The following LRRTM4 variants were observed in gnomAD, a reference collection of about 807,000 sequenced individuals.
The protein encoded by LRRTM4 is leucine rich repeat transmembrane neuronal 4.
Under a neutral mutation model 47.6 loss-of-function variants are expected in LRRTM4, and 25 were observed. The ratio of observed to expected loss-of-function variants is 0.53; its 90% CI spans 0.38 to 0.73. LRRTM4 has a LOEUF of 0.73. Ranked by LOEUF, LRRTM4 falls within the 30% of genes least tolerant of loss-of-function variation. The pLI is 0.00. For synonymous variants in LRRTM4, 311 were observed against 269.5 expected, an observed-to-expected ratio of 1.15 and a Z score of -1.51; for missense variants, 638 against 713.4, an observed-to-expected ratio of 0.89 and a Z score of 1.20.
At chr2:77,195,334 G>A (rs994485711) in intron 3 of LRRTM4, among the ~76,000 whole-genome samples, 2 of 151,816 alleles carry the variant, frequency 1.3e-5, no homozygotes, top group Non-Finnish European at 2.9e-5. Flanking sequence ...CTTTGGCACT[G>A]TTTCATAGAA....
At chr2:76,762,989 G>T (rs1386600134) in intron 3 of LRRTM4, among the ~76,000 whole-genome samples, 2 of 152,138 alleles carry the variant, frequency 1.3e-5, no homozygotes, top group Non-Finnish European at 2.9e-5. Flanking sequence ...AGAACTAACT[G>T]GTTGTGCAAG....
At chr2:77,508,951 C>G (rs1390754018) in intron 3 of LRRTM4, among the ~76,000 whole-genome samples, 3 of 151,896 alleles carry the variant, frequency 2.0e-5, no homozygotes, top group African/African-American at 4.8e-5. Context: ...GTTTCTAAGG[C>G]CAGGCCACAG....
At chr2:76,860,075 A>G (rs916997363) in intron 3 of LRRTM4, among the ~76,000 whole-genome samples, 4 of 152,162 alleles carry the variant, frequency 2.6e-5, no homozygotes, top group African/African-American at 9.7e-5. Flanking sequence ...TTTTGACAAA[A>G]TGCCTTAAGA....
chr2:76,941,634 G>T (rs62170336), intron 3 of LRRTM4, among the ~76,000 whole-genome samples: 19,972 of 152,180 alleles, frequency 0.13, 1,670 homozygotes, highest in Admixed American at 0.21. Flanking sequence ...CTCTGCAAAA[G>T]ACATGAACTC....
intron 3 of LRRTM4, among the ~76,000 whole-genome samples, chr2:77,016,384 A>T (rs1454854275): frequency 7.7e-5 from 5 of 64,758 alleles, no homozygotes; most frequent in African/African-American, 2.6e-4. Context: ...AACTCCATTT[A>T]AAAAAAAAAA....
intron 3 of LRRTM4, among the ~76,000 whole-genome samples, chr2:77,145,529 G>A (rs899365240): frequency 1.3e-5 from 2 of 151,612 alleles, no homozygotes; most frequent in African/African-American, 2.4e-5. Flanking sequence ...AGCACTTTGC[G>A]AGGCCAAGGC....
At chr2:77,287,243 T>C (rs989014828) in intron 3 of LRRTM4, among the ~76,000 whole-genome samples, 1 of 152,002 alleles carries the variant, frequency 6.6e-6, no homozygotes, top group African/African-American at 2.4e-5. Flanking sequence ...TGTGTTTGGC[T>C]TGTTCATGTC....
intron 3 of LRRTM4, among the ~76,000 whole-genome samples, chr2:77,056,933 T>C (rs1322095946): frequency 6.6e-6 from 1 of 152,192 alleles, no homozygotes; most frequent in Non-Finnish European, 1.5e-5. Context: ...GTTCATATAA[T>C]ATAGGATTTG....
At position 77,028,959 on chromosome 2, in the gene LRRTM4, C is replaced by T. The variant is rs377082228; in HGVS notation, c.1552-280043G>A. ...CTGAGGCAGGAGAATGGTGTGAACC[C>T]GGGAGGCGGAGCTTGCAGTGAGCCA... On this transcript the variant is annotated intron_variant, in intron 3 of 3. Transcript: ENST00000409884. 2.6e-3 allele frequency among the ~76,000 whole-genome samples: 397 copies of T among 150,384 alleles called. 5 individuals carry two copies. Among genetic ancestry groups the T allele is most frequent in the African/African-American group, 8.8e-3 (361 of 40,842 alleles).
chr2:76,951,266 T>G (rs17013420), intron 3 of LRRTM4, among the ~76,000 whole-genome samples: 13,296 of 152,086 alleles, frequency 0.087, 917 homozygotes, highest in East Asian at 0.37. Context: ...TGTATGAAAT[T>G]TAATGGTAAA....
intron 3 of LRRTM4, among the ~76,000 whole-genome samples, chr2:77,121,444 TATTA>T (rs1365154851): frequency 2.0e-5 from 3 of 151,956 alleles, no homozygotes; most frequent in East Asian, 3.9e-4. Context: ...AGATAAGACA[TATTA>T]ATTGTTATGC....
Position 77,519,001 on chromosome 2 carries a change from T to C in LRRTM4, c.868A>G (p.Thr290Ala). ...QKLNLDSNKL[T>A]NISQETVNAW... ...TTGACAGTTTCCTGTGAGATATTGGTGAGCTTGTTGGAATCCAAATTCAAT... is the reference window on the plus strand; with the variant it reads ...TTGACAGTTTCCTGTGAGATATTGGCGAGCTTGTTGGAATCCAAATTCAAT... The change falls in exon 3 of 4, where the codon ACC becomes GCC. Residue 290 changes from threonine (T) to alanine (A), a missense_variant. Transcript: ENST00000409884. The surrounding 1 kb of genome is among the most constrained non-coding windows in gnomAD (Gnocchi z 4.6). 1 of 1,611,618 alleles carries C rather than the reference T, an allele frequency of 6.2e-7. No individual in the cohort carries two copies. The highest frequency in any genetic ancestry group is 8.5e-7 in the Non-Finnish European group (1 of 1,178,698).
chr2:76,909,968 C>G (rs1192587305), intron 3 of LRRTM4, among the ~76,000 whole-genome samples: 1 of 152,144 alleles, frequency 6.6e-6, no homozygotes, highest in African/African-American at 2.4e-5. Context: ...ACTAGAAATA[C>G]CATTTGACCC....
intron 3 of LRRTM4, among the ~76,000 whole-genome samples, chr2:76,928,033 T>C (rs1674644945): frequency 2.0e-5 from 3 of 152,174 alleles, no homozygotes; most frequent in Admixed American, 1.3e-4. Context: ...TTTCTAAATT[T>C]CATGCTCCTG....
intron 3 of LRRTM4, among the ~76,000 whole-genome samples, chr2:77,419,737 A>T (rs1001734712): frequency 6.6e-6 from 1 of 152,168 alleles, no homozygotes; most frequent in African/African-American, 2.4e-5. Flanking sequence ...TAGTATGGAC[A>T]TTTCATAATA....
At chr2:77,277,556 A>G (rs1388726134) in intron 3 of LRRTM4, among the ~76,000 whole-genome samples, 1 of 152,042 alleles carries the variant, frequency 6.6e-6, no homozygotes, top group East Asian at 1.9e-4. Flanking sequence ...ATCAAGAGAA[A>G]GTGAAGGGGG....
At chr2:76,759,117 G>A (rs1279637036) in intron 3 of LRRTM4, among the ~76,000 whole-genome samples, 3 of 152,040 alleles carry the variant, frequency 2.0e-5, no homozygotes, top group Non-Finnish European at 4.4e-5. Flanking sequence ...CTTGTGCTAG[G>A]AGCTGGGTAT....
chr2:76,750,043 G>A (rs1401400534), intron 3 of LRRTM4, among the ~76,000 whole-genome samples: 2 of 152,214 alleles, frequency 1.3e-5, no homozygotes, highest in Non-Finnish European at 2.9e-5. Context: ...GTGGTTTCCT[G>A]TTAGGCTTTG....
Position 77,202,120 on chromosome 2 carries a change from T to C in LRRTM4, c.1551+316198A>G, listed in dbSNP as rs1018837221. On this transcript the variant is annotated intron_variant, in intron 3 of 3. Transcript: ENST00000409884. ...GTCAGGTGAGAGGATACCAGGAATG[T>C]TGTCAGTAACAGTGAAAGAGTGTTA... 3.3e-5 allele frequency among the ~76,000 whole-genome samples: 5 copies of C among 152,134 alleles called. No homozygotes were observed. The South Asian group carries it at 8.3e-4, about 25-fold the overall frequency.
Sources: gnomAD v4.1 joint callset for allele counts (sites outside exome capture counted in the v4.1 genomes callset) on GRCh38, gnomAD v4.1.1 for gene constraint, Gnocchi (gnomAD v3.1) non-coding constraint, MANE v1.5 for transcripts, NCBI Gene and HGNC (gene_info 2026-07-23, HGNC 2026-07-21) for gene names.